The following SUGCT variants were observed in gnomAD, a reference collection of about 807,000 sequenced individuals.
SUGCT encodes the protein succinyl-CoA:glutarate CoA-transferase.
SUGCT carries 41 observed loss-of-function variants against 55.0 expected under a neutral mutation model. The observed-to-expected ratio is 0.74, with a 90% confidence interval of 0.58 to 0.97. SUGCT has a LOEUF of 0.97. Among genes scored for constraint, SUGCT ranks in the 50% least tolerant of loss-of-function variants. SUGCT has a pLI of 0.00. For synonymous variants in SUGCT, 187 were observed against 200.4 expected (o/e 0.93, Z 0.56); for missense variants, 568 against 547.8 (o/e 1.04, Z -0.37).
chr7:40,733,786 A>G (rs995201891), intron 12 of SUGCT, among the ~76,000 whole-genome samples: 5 of 152,228 alleles, frequency 3.3e-5, no homozygotes, highest in African/African-American at 1.2e-4. Flanking sequence ...CGGCACATTT[A>G]TCAACCGCTG....
chr7:40,355,013 AC>A (rs1797822476), intron 9 of SUGCT, among the ~76,000 whole-genome samples: 1 of 152,094 alleles, frequency 6.6e-6, no homozygotes, highest in African/African-American at 2.4e-5. Flanking sequence ...GGGAAATCGT[AC>A]CTCAGTCATT....
At chr7:40,202,845 CCTT>C (rs909059762) in intron 6 of SUGCT, among the ~76,000 whole-genome samples, 3 of 152,164 alleles carry the variant, frequency 2.0e-5, no homozygotes, top group Non-Finnish European at 4.4e-5. Flanking sequence ...CAGATAAACT[CCTT>C]CTGCTTTCCT....
intron 6 of SUGCT, among the ~76,000 whole-genome samples, 162 bp downstream of exon 6, chr7:40,195,222 C>CTTTTTTT (rs11326653): frequency 4.8e-3 from 486 of 101,040 alleles, no homozygotes; most frequent in Non-Finnish European, 6.2e-3. Context: ...TTTCTTTTTT[C>CTTTTTTT]TTTTTTTTTT....
chr7:40,888,530 T>A, the SUGCT span, among the ~76,000 whole-genome samples: 1 of 151,294 alleles, frequency 6.6e-6, no homozygotes, highest in Non-Finnish European at 1.5e-5. Flanking sequence ...AAAATTAAAA[T>A]AAGCTTGATT....
the SUGCT span, among the ~76,000 whole-genome samples, chr7:40,911,911 C>T: frequency 5.3e-5 from 8 of 152,044 alleles, no homozygotes; most frequent in African/African-American, 7.2e-5. Flanking sequence ...TGGATGTACG[C>T]GTGTGTGTGC....
intron 9 of SUGCT, among the ~76,000 whole-genome samples, chr7:40,391,114 A>G (rs1562740917): frequency 2.0e-5 from 3 of 152,164 alleles, no homozygotes; most frequent in African/African-American, 7.2e-5. Flanking sequence ...CCTTCCTTAC[A>G]CCTTATACAA....
At chr7:40,338,681 C>T (rs534916546) in intron 9 of SUGCT, among the ~76,000 whole-genome samples, 10 of 152,126 alleles carry the variant, frequency 6.6e-5, no homozygotes, top group Non-Finnish European at 1.5e-4. Flanking sequence ...ATCTTCTTTG[C>T]GATGGGTTTG....
the SUGCT span, among the ~76,000 whole-genome samples, chr7:40,933,644 C>A: frequency 6.6e-6 from 1 of 152,018 alleles, no homozygotes; most frequent in Non-Finnish European, 1.5e-5. Context: ...TTTTACTCTT[C>A]TTTGTCTAAA....
intron 13 of SUGCT, among the ~76,000 whole-genome samples, chr7:40,775,894 G>C (rs776272996): frequency 3.3e-5 from 5 of 152,162 alleles, no homozygotes; most frequent in Non-Finnish European, 7.4e-5. Context: ...TTCTGCCTCT[G>C]GAATTGTTAC....
chr7:40,387,327 C>T (rs572445754), intron 9 of SUGCT, among the ~76,000 whole-genome samples: 155 of 152,106 alleles, frequency 1.0e-3, no homozygotes, highest in Non-Finnish European at 1.3e-3. Flanking sequence ...GGAACTAGAG[C>T]TCTGTAACTT....
intron 12 of SUGCT, among the ~76,000 whole-genome samples, chr7:40,509,251 A>C (rs1446376751): frequency 6.6e-6 from 1 of 152,050 alleles, no homozygotes; most frequent in African/African-American, 2.4e-5. Flanking sequence ...CTCCCTGGTT[A>C]TTTCCAGTTT....
chr7:40,634,150 TA>T (rs1270499242), intron 12 of SUGCT, among the ~76,000 whole-genome samples: 1 of 151,880 alleles, frequency 6.6e-6, no homozygotes, highest in Non-Finnish European at 1.5e-5. Context: ...AAAAAACACT[TA>T]AAAAATAGAG....
chr7:40,279,566 T>C (rs1792812193), intron 8 of SUGCT, among the ~76,000 whole-genome samples: 1 of 152,182 alleles, frequency 6.6e-6, no homozygotes, highest in South Asian at 2.1e-4. Flanking sequence ...AGTTTAATGA[T>C]GACAACATTA....
Position 40,749,428 on chromosome 7 carries a change from T to C in SUGCT, c.1090-6T>C, listed in dbSNP as rs757328172. 2.5e-5 allele frequency: 41 copies of C among 1,612,810 alleles called. No individual in the cohort carries two copies. Among genetic ancestry groups the C allele is most frequent in the Non-Finnish European group, 3.4e-5 (40 of 1,178,954 alleles). On this transcript the variant is annotated splice_polypyrimidine_tract_variant and splice_region_variant and intron_variant, in intron 12 of 13. Transcript: ENST00000335693. The stretch of plus-strand genomic sequence containing the variant: ...ATTATTTTTCTCTCTGTTTTTGCCT[T>C]TTCAGGTATTACACAATGGCCTCGT...
chr7:40,464,618 T>C (rs1281604060), intron 11 of SUGCT, among the ~76,000 whole-genome samples: 5 of 152,190 alleles, frequency 3.3e-5, no homozygotes, highest in Non-Finnish European at 7.4e-5. Flanking sequence ...ACACATTCAT[T>C]AGAAACTGTA....
chr7:40,631,222 G>GTT (rs200000243), intron 12 of SUGCT, among the ~76,000 whole-genome samples: 2 of 150,154 alleles, frequency 1.3e-5, no homozygotes, highest in African/African-American at 4.9e-5. Context: ...CAGTGATTCT[G>GTT]TTTTTTTTTC....
the SUGCT span, among the ~76,000 whole-genome samples, chr7:40,915,815 T>C: frequency 6.6e-6 from 1 of 152,194 alleles, no homozygotes; most frequent in Non-Finnish European, 1.5e-5. Context: ...GTAAATAAAA[T>C]AGAATTTGAT....
chr7:40,726,466 C>G (rs1221195991), intron 12 of SUGCT, among the ~76,000 whole-genome samples: 2 of 151,934 alleles, frequency 1.3e-5, no homozygotes, highest in Non-Finnish European at 1.5e-5. Flanking sequence ...CTTGCTGTCT[C>G]AGGGGTGGCA....
At chr7:40,792,030 G>A (rs1380333585) in intron 13 of SUGCT, among the ~76,000 whole-genome samples, 1 of 152,128 alleles carries the variant, frequency 6.6e-6, no homozygotes, top group African/African-American at 2.4e-5. Context: ...CACATGATTT[G>A]TCAAGGGTTG....
Sources: allele counts gnomAD v4.1 joint callset (sites outside exome capture counted in the v4.1 genomes callset), GRCh38; gene constraint gnomAD v4.1.1; transcripts MANE v1.5; gene names NCBI Gene and HGNC (gene_info 2026-07-23, HGNC 2026-07-21).